Variants in L3HYPDH observed in about 807,000 individuals in gnomAD.
The protein encoded by L3HYPDH is trans-3-hydroxy-L-proline dehydratase.
A neutral mutation model predicts 26.5 loss-of-function variants in L3HYPDH; 32 were observed. The ratio of observed to expected loss-of-function variants is 1.21; its 90% confidence interval spans 0.91 to 1.62. L3HYPDH has a LOEUF of 1.62. Among genes scored for constraint, L3HYPDH ranks in the 40% most tolerant of loss-of-function variants. L3HYPDH has a pLI of 0.00. For synonymous variants in L3HYPDH, 215 were observed against 196.6 expected (o/e 1.09, Z -0.78); for missense variants, 554 against 476.4 (o/e 1.16, Z -1.52).
chr14:59,479,061 C>T (rs1488511068), intron 2 of L3HYPDH, 121 bp downstream of exon 2: 3 of 764,390 alleles, frequency 3.9e-6, no homozygotes, highest in Admixed American at 3.6e-5. Context: ...TTAATAAGTA[C>T]CCTATTCTTA....
chr14:59,475,751 C>A (rs1243287227), intron 4 of L3HYPDH, 118 bp downstream of exon 4: 2 of 1,116,852 alleles, frequency 1.8e-6, no homozygotes, highest in Admixed American at 5.0e-5. Context: ...TTTTTACAGG[C>A]CTGCTTTAAA....
intron 2 of L3HYPDH, among the ~76,000 whole-genome samples, chr14:59,478,392 T>C (rs1484428311): frequency 6.6e-6 from 1 of 152,056 alleles, no homozygotes; most frequent in Non-Finnish European, 1.5e-5. Flanking sequence ...AGTGACATCC[T>C]GTCTCTATAT....
chr14:59,496,047 G>A, the L3HYPDH span, among the ~76,000 whole-genome samples: 1 of 152,160 alleles, frequency 6.6e-6, no homozygotes, highest in Non-Finnish European at 1.5e-5. Flanking sequence ...GGGATTACAG[G>A]CATGTGCCAC....
chr14:59,467,103 C>G (rs114919470), intron 1 of L3HYPDH, among the ~76,000 whole-genome samples: 1 of 151,978 alleles, frequency 6.6e-6, no homozygotes, highest in Non-Finnish European at 1.5e-5. Flanking sequence ...CTTAAGCCAC[C>G]GGCCAACACA....
At chr14:59,496,996 AT>A in the L3HYPDH span, among the ~76,000 whole-genome samples, 479 of 138,154 alleles carry the variant, frequency 3.5e-3, no homozygotes, top group South Asian at 4.4e-3. Flanking sequence ...AGTCATAGTA[AT>A]TTTTTTTTTT....
chr14:59,468,167 C>T (rs1480855470), downstream of L3HYPDH, among the ~76,000 whole-genome samples: 2 of 152,186 alleles, frequency 1.3e-5, no homozygotes, highest in Non-Finnish European at 2.9e-5. Flanking sequence ...GAGGGAGGAT[C>T]GTATGAGCCC....
downstream of L3HYPDH, among the ~76,000 whole-genome samples, chr14:59,469,066 G>A (rs1394578610): frequency 6.6e-6 from 1 of 152,120 alleles, no homozygotes; most frequent in Non-Finnish European, 1.5e-5. Context: ...CTGTGGGTAG[G>A]GAGAGCAGAA....
In L3HYPDH at chr14:59,484,199, G is replaced by C. The variant is rs770757598; in HGVS notation, c.118C>G (p.Pro40Ala). The change falls in exon 1 of 5, where the codon CCG (proline) becomes GCG (alanine). Residue 40 changes from proline (P) to alanine (A), a missense_variant. By Grantham distance (27) the Pro-to-Ala change is conservative (BLOSUM62 -1). Transcript: ENST00000247194. ...AGCAGGGTGGGCCCAGACACCTCCG[G>C]ACACCCCGCCAGCACGATACGCAAG... is the stretch of plus-strand genomic sequence containing the variant. Reference protein sequence around the residue: ...EPLRIVLAGCPEVSGPTLLAK... With the variant: ...EPLRIVLAGCAEVSGPTLLAK... 1 of 1,598,770 alleles carries C rather than the reference G, an allele frequency of 6.3e-7. No individual in the cohort carries two copies. The highest frequency in any genetic ancestry group is 1.3e-5 in the African/African-American group (1 of 74,920).
rs146746234 is a variant in L3HYPDH at position 59,484,176 on chromosome 14, C to G, written c.141G>C (p.Leu47=). 2.3e-5 allele frequency: 37 copies of G among 1,599,764 alleles called. No individual in the cohort carries two copies. In the African/African-American group the frequency reaches 4.3e-4, roughly 18 times the overall value. The change falls in exon 1 of 5, where the codon CTG becomes CTC. Residue 47 remains leucine (L), a synonymous_variant. Coordinates refer to ENST00000247194, the MANE Select transcript of L3HYPDH (RefSeq NM_144581.2). ...GGCGCATGTAGCGCCGCTTGGCCAG[C>G]AGGGTGGGCCCAGACACCTCCGGAC... is the stretch of plus-strand genomic sequence containing the variant. ...AGCPEVSGPT[L]LAKRRYMRQH...
chr14:59,476,330 C>T, intron 2 of L3HYPDH, 116 bp from the exon 3 acceptor site: 3 of 757,876 alleles, frequency 4.0e-6, no homozygotes, highest in Non-Finnish European at 6.2e-6. Flanking sequence ...TTTTAAAATA[C>T]CTTTTTGGGC....
At chr14:59,480,388 G>A (rs995191878) in intron 1 of L3HYPDH, among the ~76,000 whole-genome samples, 1 of 152,138 alleles carries the variant, frequency 6.6e-6, no homozygotes, top group African/African-American at 2.4e-5. Context: ...AGGTAGGGTG[G>A]GGCAGCCAAT....
chr14:59,503,741 TA>T, the L3HYPDH span: 368,463 of 693,048 alleles, frequency 0.53, 103,843 homozygotes, highest in East Asian at 0.8. Context: ...TCAAACATTT[TA>T]TGATTCTGAG....
intron 1 of L3HYPDH, 38 bp downstream of exon 1, chr14:59,483,771 G>T: frequency 1.9e-6 from 3 of 1,582,840 alleles, no homozygotes; most frequent in Non-Finnish European, 1.7e-6. Flanking sequence ...CGTCCCGGTT[G>T]CAGCTCTGCC....
chr14:59,501,024 T>C, the L3HYPDH span: 1 of 563,568 alleles, frequency 1.8e-6, no homozygotes, highest in South Asian at 2.3e-5. Context: ...TCTTGCCCTT[T>C]CCAGAAAAAG....
chr14:59,494,301 A>G, the L3HYPDH span, among the ~76,000 whole-genome samples: 3 of 152,370 alleles, frequency 2.0e-5, no homozygotes, highest in African/African-American at 7.2e-5. Context: ...CACATTTGCA[A>G]CACATTTAAC....
the L3HYPDH span, chr14:59,495,074 T>C: frequency 6.2e-7 from 1 of 1,613,966 alleles, no homozygotes. Context: ...ATGGCAGCTA[T>C]TATCACCTTA....
Position 59,484,238 on chromosome 14 carries a change from TG to T in L3HYPDH, c.78del (p.His26GlnfsTer55). 6.3e-7 allele frequency: 1 copy of T among 1,598,240 alleles called. No homozygotes were observed. Among genetic ancestry groups the T allele is most frequent in the Non-Finnish European group, 8.5e-7 (1 of 1,179,688 alleles). On this transcript the variant is annotated frameshift_variant, in exon 1 of 5. Coordinates refer to ENST00000247194, the MANE Select transcript of L3HYPDH (RefSeq NM_144581.2). LOFTEE classifies it high-confidence loss of function. Reference sequence around the variant, plus strand: ...ACGATACGCAAGGGCTCGCCGCCCGTGTGCATGTCCACCACCGACAGCACCG... The same window carrying T: ...ACGATACGCAAGGGCTCGCCGCCCGTTGCATGTCCACCACCGACAGCACCG... ...GTPVLSVVDM[H>X]TGGEPLRIVL...
At chr14:59,471,915 A>G (rs1889322994), downstream of L3HYPDH, among the ~76,000 whole-genome samples, 1 of 152,196 alleles carries the variant, frequency 6.6e-6, no homozygotes, top group South Asian at 2.1e-4. Flanking sequence ...GTTTTTGTGT[A>G]ACAGAGAAAT....
chr14:59,476,985 A>G (rs964731658), intron 2 of L3HYPDH, among the ~76,000 whole-genome samples: 1 of 152,226 alleles, frequency 6.6e-6, no homozygotes, highest in Non-Finnish European at 1.5e-5. Context: ...GTATATGCTT[A>G]CAATTAGTAC....
Sources: allele counts gnomAD v4.1 joint callset (sites outside exome capture counted in the v4.1 genomes callset), GRCh38; gene constraint gnomAD v4.1.1; transcripts MANE v1.5; gene names NCBI Gene and HGNC (gene_info 2026-07-23, HGNC 2026-07-21).